Variants in GPC5 observed in about 807,000 individuals in gnomAD.
The protein encoded by GPC5 is glypican 5.
Under a neutral mutation model 53.9 loss-of-function variants are expected in GPC5, and 47 were observed. The ratio of observed to expected loss-of-function variants is 0.87; its 90% CI spans 0.69 to 1.11. The LOEUF (loss-of-function observed/expected upper bound fraction) is 1.11. Ranked by LOEUF, GPC5 falls within the 50% of genes most tolerant of loss-of-function variation. The pLI is 0.00. For synonymous variants in GPC5, 286 were observed against 263.3 expected (o/e 1.09, Z -0.84); for missense variants, 748 against 713.1 (o/e 1.05, Z -0.56).
chr13:92,436,838 GC>G (rs1877325280), intron 7 of GPC5, among the ~76,000 whole-genome samples: 1 of 152,184 alleles, frequency 6.6e-6, no homozygotes, highest in African/African-American at 2.4e-5. Context: ...CTAGTGCCCA[GC>G]ACTGTGCCTG....
intron 2 of GPC5, among the ~76,000 whole-genome samples, chr13:91,586,689 C>T (rs1333589889): frequency 3.4e-5 from 5 of 148,244 alleles, no homozygotes; most frequent in Non-Finnish European, 7.5e-5. Flanking sequence ...CAATCACCCC[C>T]CAGCAGGTCC....
At chr13:91,923,325 G>C (rs1382133695) in intron 6 of GPC5, among the ~76,000 whole-genome samples, 1 of 152,190 alleles carries the variant, frequency 6.6e-6, no homozygotes. Flanking sequence ...TGTCAGAGCA[G>C]AGCAATTCCT....
intron 7 of GPC5, among the ~76,000 whole-genome samples, chr13:92,354,728 T>A (rs990558428): frequency 1.3e-5 from 2 of 152,128 alleles, no homozygotes; most frequent in African/African-American, 4.8e-5. Context: ...GGATTTAAGC[T>A]GAGATCTGAC....
chr13:91,534,665 T>C (rs1426623172), intron 2 of GPC5, among the ~76,000 whole-genome samples: 1 of 152,214 alleles, frequency 6.6e-6, no homozygotes, highest in South Asian at 2.1e-4. Flanking sequence ...AAATTGGGCA[T>C]TGGGAGAGTT....
chr13:92,402,215 A>G (rs1467898261), intron 7 of GPC5, among the ~76,000 whole-genome samples: 1 of 152,188 alleles, frequency 6.6e-6, no homozygotes, highest in Non-Finnish European at 1.5e-5. Context: ...TACCTCCTTA[A>G]TATTGAGATC....
At chr13:91,476,256 G>C (rs1169116441) in intron 2 of GPC5, among the ~76,000 whole-genome samples, 1 of 152,096 alleles carries the variant, frequency 6.6e-6, no homozygotes, top group Non-Finnish European at 1.5e-5. Flanking sequence ...GTCCCCCCAG[G>C]GAGCAAAATC....
chr13:92,358,465 C>T (rs1027299983), intron 7 of GPC5, among the ~76,000 whole-genome samples: 2 of 151,688 alleles, frequency 1.3e-5, no homozygotes, highest in Non-Finnish European at 2.9e-5. Context: ...TCTAGTAGGC[C>T]GTGCCCCAGT....
chr13:91,686,404 C>T (rs991023370), intron 2 of GPC5, among the ~76,000 whole-genome samples: 7 of 151,850 alleles, frequency 4.6e-5, no homozygotes, highest in Non-Finnish European at 1.0e-4. Flanking sequence ...ATCCCACTCA[C>T]TATTTATTTA....
At chr13:92,626,904 G>A (rs1885063676) in intron 7 of GPC5, among the ~76,000 whole-genome samples, 1 of 151,912 alleles carries the variant, frequency 6.6e-6, no homozygotes, top group Non-Finnish European at 1.5e-5. Flanking sequence ...GTACATTTTT[G>A]CTTTTCATTA....
At chr13:91,444,745 C>T (rs1019101830) in intron 1 of GPC5, among the ~76,000 whole-genome samples, 2 of 152,118 alleles carry the variant, frequency 1.3e-5, no homozygotes, top group Non-Finnish European at 2.9e-5. Context: ...CCTGCTGAAC[C>T]TGTTTGATTG....
rs182448447 is a variant in GPC5 at position 92,115,437 on chromosome 13, C to T, written c.1402-29393C>T. ...AGGAGAGTTGCTTGAACACGGGAGG[C>T]GGAGGTTGCAGTGAGCTGAGGTTGG... On this transcript the variant is annotated intron_variant, in intron 6 of 7. Coordinates refer to ENST00000377067, the MANE Select transcript of GPC5 (RefSeq NM_004466.6). Among the ~76,000 whole-genome samples, 22 of 152,184 alleles carry T rather than the reference C, an allele frequency of 1.4e-4. No homozygotes were observed. The East Asian group carries it at 3.5e-3, about 24-fold the overall frequency.
intron 6 of GPC5, among the ~76,000 whole-genome samples, chr13:91,945,975 C>T (rs112819545): frequency 0.021 from 3,222 of 152,216 alleles, 103 homozygotes; most frequent in African/African-American, 0.074. Flanking sequence ...CCTGAAGACT[C>T]CTATCTTGTT....
At chr13:91,510,107 G>T (rs1594187309) in intron 2 of GPC5, among the ~76,000 whole-genome samples, 2 of 151,550 alleles carry the variant, frequency 1.3e-5, no homozygotes, top group African/African-American at 4.8e-5. Context: ...AATATTCTTT[G>T]GAAAAATATT....
chr13:92,628,264 C>CTTTCTTTTTTTTT (rs1885115304), intron 7 of GPC5, among the ~76,000 whole-genome samples: 2 of 45,338 alleles, frequency 4.4e-5, no homozygotes, highest in African/African-American at 7.3e-5. Flanking sequence ...CTTTTTCTTT[C>CTTTCTTTTTTTTT]TTTTTTTTTT....
chr13:91,480,315 A>G (rs1445047686), intron 2 of GPC5, among the ~76,000 whole-genome samples: 1 of 152,242 alleles, frequency 6.6e-6, no homozygotes, highest in Non-Finnish European at 1.5e-5. Context: ...ATGTAGAGAA[A>G]TAGAAGACCA....
intron 6 of GPC5, among the ~76,000 whole-genome samples, chr13:91,954,976 A>G (rs1264711319): frequency 6.6e-6 from 1 of 152,176 alleles, no homozygotes; most frequent in Non-Finnish European, 1.5e-5. Flanking sequence ...TTTAAAATAT[A>G]CCATTAAAAT....
At chr13:91,773,257 C>G (rs1259877769) in intron 5 of GPC5, among the ~76,000 whole-genome samples, 3 of 152,196 alleles carry the variant, frequency 2.0e-5, no homozygotes, top group Non-Finnish European at 4.4e-5. Context: ...ACATTCAGAT[C>G]TGTAACATTG....
chr13:91,456,787 T>C (rs1405764695), intron 2 of GPC5, among the ~76,000 whole-genome samples: 1 of 151,938 alleles, frequency 6.6e-6, no homozygotes, highest in Non-Finnish European at 1.5e-5. Flanking sequence ...GGTGTTTTGT[T>C]TTGTTTTCTA....
intron 7 of GPC5, among the ~76,000 whole-genome samples, chr13:92,576,035 T>C (rs1416749718): frequency 1.3e-5 from 2 of 152,140 alleles, no homozygotes; most frequent in East Asian, 1.9e-4. Context: ...ATCTCAGTCA[T>C]AAAGGTGTGT....
Sources: allele counts gnomAD v4.1 joint callset (sites outside exome capture counted in the v4.1 genomes callset), GRCh38; gene constraint gnomAD v4.1.1; transcripts MANE v1.5; gene names NCBI Gene and HGNC (gene_info 2026-07-23, HGNC 2026-07-21).